Variants in STON2 observed in about 807,000 individuals in gnomAD.
STON2 encodes the protein stonin 2.
A neutral mutation model predicts 65.7 loss-of-function variants in STON2; 29 were observed. The observed-to-expected ratio is 0.44, with a 90% CI of 0.33 to 0.60. The LOEUF is 0.60. Among genes scored for constraint, STON2 ranks in the 20% least tolerant of loss-of-function variants. The pLI is 0.03. For missense variants in STON2, 1,054 were observed against 1,118.1 expected (o/e 0.94, Z 0.82); for synonymous variants, 404 against 414.2 (o/e 0.98, Z 0.30).
intron 6 of STON2, among the ~76,000 whole-genome samples, chr14:81,274,711 G>A (rs577452961): frequency 2.0e-5 from 3 of 152,026 alleles, no homozygotes; most frequent in African/African-American, 4.8e-5. Context: ...CGAGGCAGGC[G>A]GATCACCTGA....
At chr14:81,326,179 G>A (rs920662981) in intron 4 of STON2, among the ~76,000 whole-genome samples, 2 of 152,136 alleles carry the variant, frequency 1.3e-5, no homozygotes, top group Admixed American at 6.6e-5. Flanking sequence ...TTTTTGCCAC[G>A]CTGTGTTCCT....
chr14:81,422,951 C>T (rs763108813), intron 2 of STON2, among the ~76,000 whole-genome samples: 1 of 151,918 alleles, frequency 6.6e-6, no homozygotes, highest in Non-Finnish European at 1.5e-5. Flanking sequence ...AGGAAAATCG[C>T]TTGAACCCTG....
Position 81,390,005 on chromosome 14 carries a change from G to A in STON2, c.373+5889C>T, listed in dbSNP as rs368207764. ...AGGTGGGCCGATCATTTGAGGTCAG[G>A]AGTTTGTGACCAGCCTGGCCAACAT... On this transcript the variant is annotated intron_variant, in intron 3 of 7. Transcript: ENST00000614646. 1.5e-4 allele frequency among the ~76,000 whole-genome samples: 23 copies of A among 152,190 alleles called. No individual in the cohort carries two copies. The East Asian group carries it at 2.5e-3, about 17-fold the overall frequency.
chr14:81,265,190 A>G lies in STON2; in HGVS notation c.*3224T>C. On this transcript the variant is annotated 3_prime_UTR_variant, in exon 8 of 8. Coordinates refer to ENST00000614646, the MANE Select transcript of STON2 (RefSeq NM_001394390.1). ...AGGTTATTACATAGCTAATTTGCCC[A>G]CTTGTATTTTCTTTAGAAGTTATTT... is the stretch of plus-strand genomic sequence containing the variant. 9.1e-6 allele frequency: 9 copies of G among 984,842 alleles called. No individual in the cohort carries two copies. The highest frequency in any genetic ancestry group is 8.4e-6 in the Non-Finnish European group (7 of 829,594). 61.0% of individuals were successfully genotyped at this position (984,842 alleles called of 1,614,324 possible). A position where few individuals can be genotyped will look rare whatever the true frequency, so the allele number is the denominator to read the frequency against.
chr14:81,308,779 C>CATGT, intron 5 of STON2, among the ~76,000 whole-genome samples: 1 of 1,396 alleles, frequency 7.2e-4, no homozygotes, highest in Middle Eastern at 0.25. Flanking sequence ...CATGGTTTTA[C>CATGT]CCATATATAT....
rs1384779999 is a variant in STON2 at position 81,267,948 on chromosome 14, T to C, written c.*466A>G. Reference sequence around the variant, plus strand: ...TGTTTTGCACCTTTTCTGAACCTTTTCTAGACAGAGTGAAAGAGATGGATT... The same window carrying C: ...TGTTTTGCACCTTTTCTGAACCTTTCCTAGACAGAGTGAAAGAGATGGATT... On this transcript the variant is annotated 3_prime_UTR_variant, in exon 8 of 8. Coordinates refer to ENST00000614646, the MANE Select transcript of STON2 (RefSeq NM_001394390.1). The C allele has an allele frequency of 4.1e-6, 4 of 986,036 alleles. No individual in the cohort carries two copies. In the African/African-American group the frequency reaches 7.0e-5, roughly 17 times the overall value. 61.1% of individuals were successfully genotyped at this position (986,036 alleles called of 1,614,324 possible).
At chr14:81,320,911 A>G (rs12437268) in intron 5 of STON2, among the ~76,000 whole-genome samples, 8,573 of 152,254 alleles carry the variant, frequency 0.056, 319 homozygotes, top group South Asian at 0.14. Context: ...AGACCAGCAA[A>G]TAACCCCAAG....
At chr14:81,362,964 G>A (rs1173879922) in intron 4 of STON2, among the ~76,000 whole-genome samples, 2 of 152,128 alleles carry the variant, frequency 1.3e-5, no homozygotes, top group African/African-American at 4.8e-5. Context: ...ATGGGGGTTT[G>A]TATATTGCTC....
At position 81,278,447 on chromosome 14, in the gene STON2, T is replaced by C; in HGVS notation, c.1035A>G (p.Lys345=). The part of the protein sequence containing the change: ...RPKSTLMNFS[K]VQKLDISSLN... ...AAGAGGAAATATCCAGCTTCTGAAC[T>C]TTGGAGAAGTTCATCAAAGTGCTCT... Residue 345 remains lysine (K), a synonymous_variant, in exon 6 of 8, where the codon AAA becomes AAG. Coordinates refer to ENST00000614646, the MANE Select transcript of STON2 (RefSeq NM_001394390.1). 1.9e-6 allele frequency: 3 copies of C among 1,614,206 alleles called. No individual in the cohort carries two copies. Among genetic ancestry groups the C allele is most frequent in the Non-Finnish European group, 2.5e-6 (3 of 1,180,040 alleles).
chr14:81,332,434 T>C (rs922699503), intron 4 of STON2, among the ~76,000 whole-genome samples: 1 of 152,220 alleles, frequency 6.6e-6, no homozygotes, highest in Non-Finnish European at 1.5e-5. Flanking sequence ...ATTTTCTTTT[T>C]AGATTTATTT....
upstream of STON2, among the ~76,000 whole-genome samples, chr14:81,403,090 T>TC (rs1357498185): frequency 6.6e-6 from 1 of 152,226 alleles, no homozygotes; most frequent in Non-Finnish European, 1.5e-5. Context: ...TGTCATTCTC[T>TC]CCCCTTGTGA....
chr14:81,340,710 T>C (rs923848656), intron 4 of STON2, among the ~76,000 whole-genome samples: 5 of 152,114 alleles, frequency 3.3e-5, no homozygotes, highest in Admixed American at 1.3e-4. Context: ...TCCTGAACTC[T>C]GGAGCACTGC....
At chr14:81,412,557 T>C (rs1566949458) in intron 2 of STON2, among the ~76,000 whole-genome samples, 1 of 138,960 alleles carries the variant, frequency 7.2e-6, no homozygotes, top group Non-Finnish European at 1.5e-5. Flanking sequence ...GAATAGAAAG[T>C]AGAATGGTGG....
intron 5 of STON2, among the ~76,000 whole-genome samples, chr14:81,302,867 C>G (rs1037019704): frequency 2.0e-5 from 3 of 152,158 alleles, no homozygotes; most frequent in Non-Finnish European, 4.4e-5. Flanking sequence ...TGGGCAAGTA[C>G]CTGACATGGT....
chr14:81,368,131 A>G (rs996225265), intron 4 of STON2, among the ~76,000 whole-genome samples: 1 of 152,182 alleles, frequency 6.6e-6, no homozygotes, highest in African/African-American at 2.4e-5. Flanking sequence ...TCCTCTATAC[A>G]TATCTGTATG....
intron 4 of STON2, among the ~76,000 whole-genome samples, chr14:81,355,176 A>G (rs1004269753): frequency 3.9e-5 from 6 of 152,156 alleles, no homozygotes; most frequent in African/African-American, 1.2e-4. Flanking sequence ...CCTTCACACA[A>G]CAGAAATTCA....
At chr14:81,423,030 G>A (rs930509733) in intron 2 of STON2, among the ~76,000 whole-genome samples, 2 of 139,440 alleles carry the variant, frequency 1.4e-5, no homozygotes, top group African/African-American at 3.1e-5. Flanking sequence ...GCAAGACTCT[G>A]TCTCAAAAAA....
At chr14:81,282,992 A>C (rs1049187579) in intron 5 of STON2, among the ~76,000 whole-genome samples, 2 of 152,014 alleles carry the variant, frequency 1.3e-5, no homozygotes, top group Non-Finnish European at 2.9e-5. Context: ...CAAAACCCAA[A>C]CTCCAGCATT....
chr14:81,308,572 G>C (rs1896271394), intron 5 of STON2, among the ~76,000 whole-genome samples: 1 of 151,904 alleles, frequency 6.6e-6, no homozygotes, highest in South Asian at 2.1e-4. Context: ...GCTGAAGGTG[G>C]GGCATTTATT....
Sources: allele counts gnomAD v4.1 joint callset (sites outside exome capture counted in the v4.1 genomes callset), GRCh38; gene constraint gnomAD v4.1.1; transcripts MANE v1.5; gene names NCBI Gene and HGNC (gene_info 2026-07-23, HGNC 2026-07-21).